Variants in COLEC10 observed in about 807,000 individuals in gnomAD.
COLEC10 encodes collectin-10.
COLEC10 carries 22 observed loss-of-function variants against 28.4 expected under a neutral mutation model. The ratio of observed to expected loss-of-function variants is 0.78; its 90% CI spans 0.55 to 1.11. The LOEUF (loss-of-function observed/expected upper bound fraction) is 1.11, where lower values mean the gene tolerates loss of function less well. Among genes scored for constraint, COLEC10 ranks in the 50% least tolerant of loss-of-function variants. The pLI is 0.00. For missense variants in COLEC10, 361 were observed against 344.1 expected (o/e 1.05, Z -0.39); for synonymous variants, 125 against 116.1 (o/e 1.08, Z -0.49).
chr8:118,960,895 C>T, the COLEC10 span, among the ~76,000 whole-genome samples: 1 of 152,042 alleles, frequency 6.6e-6, no homozygotes, highest in African/African-American at 2.4e-5. Context: ...TTCCTCCACC[C>T]TGCAGAGCTA....
the COLEC10 span, among the ~76,000 whole-genome samples, chr8:118,959,032 G>A: frequency 5.3e-5 from 8 of 152,330 alleles, no homozygotes; most frequent in African/African-American, 1.7e-4. Context: ...GACTGATTCA[G>A]TAGCTCCTTG....
chr8:118,971,955 A>C, the COLEC10 span, among the ~76,000 whole-genome samples: 1 of 151,978 alleles, frequency 6.6e-6, no homozygotes, highest in Non-Finnish European at 1.5e-5. Context: ...CCAGACTTCT[A>C]ACCTCTATCA....
chr8:119,106,068 G>A lies in COLEC10; in HGVS notation c.711G>A (p.Gly237=). ...AGAACTATAGCAACTGGAATGAGGG[G>A]GAACCCAGCGACCCCTATGGTCATG... ...PLQNYSNWNE[G]EPSDPYGHED... is the part of the protein sequence containing the mutation. The change falls in exon 6 of 6, where the codon GGG becomes GGA. Residue 237 remains glycine, a synonymous_variant. Coordinates refer to ENST00000332843, the MANE Select transcript of COLEC10 (RefSeq NM_006438.5). The A allele has an allele frequency of 6.2e-7, 1 of 1,613,906 alleles. No homozygotes were observed. Among genetic ancestry groups the A allele is most frequent in the Non-Finnish European group, 8.5e-7 (1 of 1,179,896 alleles).
At chr8:119,091,032 G>T in intron 2 of COLEC10, 117 bp from the exon 3 acceptor site, 1 of 767,242 alleles carries the variant, frequency 1.3e-6, no homozygotes, top group Non-Finnish European at 2.3e-6. Flanking sequence ...ATATATATTA[G>T]ATATCACTGG....
At chr8:119,012,416 G>A (rs1813916214) in intron 2 of COLEC10, among the ~76,000 whole-genome samples, 1 of 150,542 alleles carries the variant, frequency 6.6e-6, no homozygotes, top group South Asian at 2.1e-4. Context: ...GAGCGACACT[G>A]GTCTGTAGTT....
At chr8:119,021,933 T>A (rs1814105931) in intron 2 of COLEC10, among the ~76,000 whole-genome samples, 1 of 152,070 alleles carries the variant, frequency 6.6e-6, no homozygotes, top group Non-Finnish European at 1.5e-5. Flanking sequence ...ATGAAACAGG[T>A]CAACAGAAAA....
At chr8:119,100,433 A>T (rs1324743696) in intron 3 of COLEC10, among the ~76,000 whole-genome samples, 1 of 152,200 alleles carries the variant, frequency 6.6e-6, no homozygotes, top group African/African-American at 2.4e-5. Context: ...TTCTTCCATG[A>T]ATATCTCAAA....
chr8:118,974,194 C>T, the COLEC10 span, among the ~76,000 whole-genome samples: 4,434 of 151,816 alleles, frequency 0.029, 131 homozygotes, highest in East Asian at 0.17. Flanking sequence ...ATTATTTTAA[C>T]GCATAAAATA....
At chr8:118,957,589 TG>T in the COLEC10 span, among the ~76,000 whole-genome samples, 2 of 152,148 alleles carry the variant, frequency 1.3e-5, no homozygotes, top group Non-Finnish European at 2.9e-5. Flanking sequence ...ACTTGTCAGT[TG>T]AATCTATGGA....
chr8:119,013,749 G>C (rs1586998014), intron 2 of COLEC10, among the ~76,000 whole-genome samples: 1 of 150,466 alleles, frequency 6.6e-6, no homozygotes, highest in East Asian at 1.9e-4. Context: ...TACTCTCCCT[G>C]CTTTAAAGTC....
At chr8:118,975,986 C>A in the COLEC10 span, among the ~76,000 whole-genome samples, 8 of 151,980 alleles carry the variant, frequency 5.3e-5, no homozygotes, top group African/African-American at 1.9e-4. Context: ...AATTTGGACT[C>A]CCTCTCATTG....
intron 2 of COLEC10, among the ~76,000 whole-genome samples, chr8:119,019,707 T>A (rs2130103706): frequency 6.6e-6 from 1 of 152,266 alleles, no homozygotes; most frequent in East Asian, 1.9e-4. Flanking sequence ...AGCAATTGCA[T>A]TTTTAATGCA....
the COLEC10 span, among the ~76,000 whole-genome samples, chr8:118,983,725 A>G: frequency 6.6e-5 from 10 of 152,316 alleles, no homozygotes; most frequent in Admixed American, 5.2e-4. Context: ...CAACAAGCAT[A>G]TGAAAAAATG....
At chr8:119,061,417 T>C (rs1393195114) in intron 2 of COLEC10, among the ~76,000 whole-genome samples, 1 of 150,064 alleles carries the variant, frequency 6.7e-6, no homozygotes, top group Non-Finnish European at 1.5e-5. Flanking sequence ...GGCCATATCA[T>C]TGAAATTTCA....
chr8:118,995,688 A>T (rs1266655815), intron 1 of COLEC10: 1 of 152,096 alleles, frequency 6.6e-6, no homozygotes, highest in Non-Finnish European at 1.5e-5. Flanking sequence ...CTTCAAAAAT[A>T]GTTTGGTAGA....
intron 4 of COLEC10, among the ~76,000 whole-genome samples, chr8:119,103,171 T>A (rs921907783): frequency 1.3e-5 from 2 of 152,160 alleles, no homozygotes; most frequent in African/African-American, 4.8e-5. Context: ...TATTTGCAGG[T>A]TGTTGAAAAG....
intron 4 of COLEC10, among the ~76,000 whole-genome samples, chr8:119,103,362 T>C (rs1815877006): frequency 6.6e-6 from 1 of 152,236 alleles, no homozygotes; most frequent in Non-Finnish European, 1.5e-5. Context: ...CATGAAAAGT[T>C]TCTTCTGTCT....
intron 2 of COLEC10, among the ~76,000 whole-genome samples, chr8:119,044,073 T>C (rs1159141124): frequency 6.6e-6 from 1 of 152,236 alleles, no homozygotes; most frequent in Non-Finnish European, 1.5e-5. Flanking sequence ...TTGGAAGCAC[T>C]GAAGCTAGAG....
the COLEC10 span, among the ~76,000 whole-genome samples, chr8:118,963,235 G>A: frequency 1.1e-4 from 17 of 152,194 alleles, no homozygotes; most frequent in East Asian, 3.9e-4. Flanking sequence ...TTAGTATTTC[G>A]CATACATTAC....
Sources: gnomAD v4.1 joint callset for allele counts (sites outside exome capture counted in the v4.1 genomes callset) on GRCh38, gnomAD v4.1.1 for gene constraint, MANE v1.5 for transcripts, NCBI Gene and HGNC (gene_info 2026-07-23, HGNC 2026-07-21) for gene names.